Variants in CYP3A43 observed in about 807,000 individuals in gnomAD.
CYP3A43 encodes the protein cytochrome P450 3A43.
Under a neutral mutation model 58.0 loss-of-function variants are expected in CYP3A43, and 45 were observed. The observed-to-expected ratio is 0.78, with a 90% CI of 0.61 to 0.99. The LOEUF (loss-of-function observed/expected upper bound fraction) is 0.99, where lower values mean the gene tolerates loss of function less well. CYP3A43 is among the 50% of genes least tolerant of loss of function. The pLI is 0.00. For synonymous variants in CYP3A43, 191 were observed against 201.4 expected, an observed-to-expected ratio of 0.95 and a Z score of 0.44; for missense variants, 593 against 591.9, an observed-to-expected ratio of 1.00 and a Z score of -0.02.
chr7:99,864,592 A>T (rs1024877109), intron 12 of CYP3A43, among the ~76,000 whole-genome samples: 74 of 148,522 alleles, frequency 5.0e-4, no homozygotes, highest in Non-Finnish European at 9.0e-4. Flanking sequence ...TTATTCTACA[A>T]GTCTTTTCTC....
intron 10 of CYP3A43, 92 bp from the exon 11 acceptor site, chr7:99,861,521 T>C (rs503115): frequency 0.59 from 608,607 of 1,034,626 alleles, 184,586 homozygotes; most frequent in African/African-American, 0.88. Flanking sequence ...AATTATTCTC[T>C]GGAGCTCCTA....
Position 99,843,358 on chromosome 7 carries a change from G to A in CYP3A43, c.219-785G>A, listed in dbSNP as rs947624233. Among the ~76,000 whole-genome samples the A allele has an allele frequency of 2.6e-5, 4 of 152,068 alleles. No homozygotes were observed. The East Asian group carries it at 5.8e-4, about 22-fold the overall frequency. ...ATGTATTCTCAAACTTTGGCTAAAG[G>A]AAACTATTAATCAAGGCTCCAGTCT... On this transcript the variant is annotated intron_variant, in intron 3 of 12. Coordinates refer to ENST00000354829, the MANE Select transcript of CYP3A43 (RefSeq NM_057095.3).
At chr7:99,830,290 G>T (rs974931282) in intron 1 of CYP3A43, among the ~76,000 whole-genome samples, 1 of 152,136 alleles carries the variant, frequency 6.6e-6, no homozygotes, top group African/African-American at 2.4e-5. Flanking sequence ...AGCCGAGGTG[G>T]GTGGATCACG....
intron 1 of CYP3A43, among the ~76,000 whole-genome samples, chr7:99,831,479 T>A (rs1323028272): frequency 6.6e-6 from 1 of 152,200 alleles, no homozygotes; most frequent in Non-Finnish European, 1.5e-5. Context: ...AGCCACACTT[T>A]CCTAACTTAC....
chr7:99,844,658 CT>C (rs1167331209), intron 4 of CYP3A43, among the ~76,000 whole-genome samples: 1 of 151,766 alleles, frequency 6.6e-6, no homozygotes, highest in African/African-American at 2.4e-5. Flanking sequence ...GTAGAGAAAA[CT>C]TTTTTTTTAT....
intron 7 of CYP3A43, 77 bp downstream of exon 7, chr7:99,849,771 A>G (rs1817678184): frequency 7.4e-7 from 1 of 1,352,886 alleles, no homozygotes; most frequent in African/African-American, 1.5e-5. Flanking sequence ...TTGAAAACAA[A>G]ATTCACATAC....
At chr7:99,858,302 T>C (rs1818075439) in intron 9 of CYP3A43, among the ~76,000 whole-genome samples, 1 of 152,238 alleles carries the variant, frequency 6.6e-6, no homozygotes, top group African/African-American at 2.4e-5. Context: ...ATCACAACTC[T>C]GTAGACCTTT....
chr7:99,832,704 A>G (rs1242114989), intron 1 of CYP3A43, among the ~76,000 whole-genome samples: 2 of 152,098 alleles, frequency 1.3e-5, no homozygotes, highest in Non-Finnish European at 2.9e-5. Context: ...AATAGAAAAA[A>G]AAACAAAACA....
At chr7:99,841,510 G>A (rs1439811477) in intron 3 of CYP3A43, among the ~76,000 whole-genome samples, 1 of 152,080 alleles carries the variant, frequency 6.6e-6, no homozygotes, top group Non-Finnish European at 1.5e-5. Flanking sequence ...CAATTCCCCT[G>A]CCTCAGCCTC....
At chr7:99,849,490 G>A in intron 6 of CYP3A43, 56 bp from the exon 7 acceptor site, 1 of 1,550,588 alleles carries the variant, frequency 6.4e-7, no homozygotes, top group South Asian at 1.3e-5. Context: ...TGTGTGTATA[G>A]CAGAAGGAAG....
chr7:99,834,012 C>G (rs1424800341), intron 1 of CYP3A43, among the ~76,000 whole-genome samples: 3 of 152,188 alleles, frequency 2.0e-5, no homozygotes, highest in African/African-American at 7.2e-5. Context: ...CTTGCACATT[C>G]TAGCTGTGAT....
chr7:99,863,502 C>T, intron 11 of CYP3A43, 35 bp from the exon 12 acceptor site: 1 of 1,536,750 alleles, frequency 6.5e-7, no homozygotes. Flanking sequence ...TTTTATGTTT[C>T]ATTAACTAGT....
intron 7 of CYP3A43, among the ~76,000 whole-genome samples, chr7:99,854,395 C>T (rs986989589): frequency 2.0e-5 from 3 of 151,680 alleles, no homozygotes; most frequent in Admixed American, 6.6e-5. Flanking sequence ...TTAGTAGGGA[C>T]GGGGTTTTGC....
In CYP3A43 at chr7:99,847,611, TA is replaced by T. The variant is rs1563065670; in HGVS notation, c.432+12del. 1.2e-6 allele frequency: 2 copies of T among 1,613,108 alleles called. No homozygotes were observed. The highest frequency in any genetic ancestry group is 1.7e-6 in the Non-Finnish European group (2 of 1,179,526). On this transcript the variant is annotated intron_variant, in intron 5 of 12. Coordinates refer to ENST00000354829, the MANE Select transcript of CYP3A43 (RefSeq NM_057095.3). ...TGTAAAATTCAAGGAAGTAAGAAAA[TA>T]AGGTGATTTATAATTAGAAACTTAA...
chr7:99,849,676 C>A lies in CYP3A43; in HGVS notation c.652C>A (p.Pro218Thr), dbSNP rs1359848101. The change falls in exon 7 of 13, where the codon CCC (proline) becomes ACC (threonine). Residue 218 changes from proline (P) to threonine (T), a missense_variant. Coordinates refer to ENST00000354829, the MANE Select transcript of CYP3A43 (RefSeq NM_057095.3). ...KKLLKLDFLD[P>T]FLLLISLFPF... ...GCTTTTAAAATTGGATTTTTTGGAT[C>A]CCTTTTTACTCTTAATATGTATGTG... 1 of 1,607,620 alleles carries A rather than the reference C, an allele frequency of 6.2e-7. No individual in the cohort carries two copies. The highest frequency in any genetic ancestry group is 8.5e-7 in the Non-Finnish European group (1 of 1,177,888).
intron 4 of CYP3A43, among the ~76,000 whole-genome samples, chr7:99,844,732 A>G (rs974822108): frequency 3.9e-5 from 6 of 152,126 alleles, no homozygotes; most frequent in Admixed American, 2.6e-4. Context: ...AAGTCTGAAA[A>G]TTATTCTCCA....
chr7:99,849,521 AT>A, intron 6 of CYP3A43, 24 bp from the exon 7 acceptor site: 4 of 1,574,586 alleles, frequency 2.5e-6, no homozygotes. Flanking sequence ...GCTGGTTTTA[AT>A]TTTCCATGTT....
Position 99,844,110 on chromosome 7 carries a change from G to A in CYP3A43, c.219-33G>A, listed in dbSNP as rs753187502. 2.4e-5 allele frequency: 37 copies of A among 1,555,296 alleles called. No individual in the cohort carries two copies. The East Asian group carries it at 4.1e-4, about 17-fold the overall frequency. On this transcript the variant is annotated intron_variant, in intron 3 of 12. Coordinates refer to ENST00000354829, the MANE Select transcript of CYP3A43 (RefSeq NM_057095.3). The stretch of plus-strand genomic sequence containing the variant: ...GTTCCAGCTGCAGAATCAGGCAAGC[G>A]AGGTTTAGTCAGCTCTGTTTTCCCC...
chr7:99,864,411 T>A (rs1051098343), intron 12 of CYP3A43, among the ~76,000 whole-genome samples: 1 of 148,660 alleles, frequency 6.7e-6, no homozygotes, highest in Admixed American at 6.6e-5. Flanking sequence ...TGAATGTTCT[T>A]CTTTTCCTTC....
Sources: allele counts gnomAD v4.1 joint callset (sites outside exome capture counted in the v4.1 genomes callset), GRCh38; gene constraint gnomAD v4.1.1; transcripts MANE v1.5; gene names NCBI Gene and HGNC (gene_info 2026-07-23, HGNC 2026-07-21).